The following SNTG1 variants were observed in gnomAD, a reference collection of about 807,000 sequenced individuals.
The protein encoded by SNTG1 is gamma-1-syntrophin.
Under a neutral mutation model 74.7 loss-of-function variants are expected in SNTG1, and 39 were observed. The observed-to-expected ratio is 0.52, with a 90% CI of 0.40 to 0.68. SNTG1 has a LOEUF of 0.68. Ranked by LOEUF, SNTG1 falls within the 30% of genes least tolerant of loss-of-function variation. The probability of loss-of-function intolerance (pLI) is 0.00; values close to 1 mark genes in which losing one functional copy is unlikely to be tolerated. For missense variants in SNTG1, 685 were observed against 609.5 expected (o/e 1.12, Z -1.30); for synonymous variants, 254 against 217.1 (o/e 1.17, Z -1.49).
intron 1 of SNTG1, among the ~76,000 whole-genome samples, chr8:50,097,111 A>G (rs578258699): frequency 1.7e-4 from 26 of 152,158 alleles, no homozygotes; most frequent in Admixed American, 3.3e-4. Context: ...CTGGGACTAC[A>G]GGTGCCCACC....
rs181728003 is a variant in SNTG1, at chr8:49,966,401, A to T, written c.-103+54170A>T. On this transcript the variant is annotated intron_variant, in intron 1 of 18. Coordinates refer to ENST00000642720, the MANE Select transcript of SNTG1 (RefSeq NM_018967.5). ...AGTCTTTTTTTAAATTAATTAATTA[A>T]TTTTTTTTTTTTTGACAGAGTCTCG... is the stretch of plus-strand genomic sequence containing the variant. Among the ~76,000 whole-genome samples the T allele has an allele frequency of 5.2e-3, 755 of 145,748 alleles. 5 individuals carry two copies. Among genetic ancestry groups the T allele is most frequent in the African/African-American group, 0.018 (710 of 39,946 alleles).
At chr8:50,533,945 C>T (rs756572203) in intron 10 of SNTG1, among the ~76,000 whole-genome samples, 4 of 152,084 alleles carry the variant, frequency 2.6e-5, no homozygotes, top group African/African-American at 9.7e-5. Flanking sequence ...TCTCATTACC[C>T]ATATCTTTAA....
intron 9 of SNTG1, among the ~76,000 whole-genome samples, chr8:50,505,836 T>C (rs780242704): frequency 2.6e-5 from 4 of 152,108 alleles, no homozygotes; most frequent in Non-Finnish European, 1.5e-5. Flanking sequence ...ATTTTATTTA[T>C]TTTACAAAAT....
intron 13 of SNTG1, among the ~76,000 whole-genome samples, chr8:50,637,904 C>T (rs2131154019): frequency 6.6e-6 from 1 of 152,172 alleles, no homozygotes; most frequent in South Asian, 2.1e-4. Context: ...TCTTAAACCA[C>T]ACCAAATATT....
chr8:50,742,784 T>C (rs72645809), intron 17 of SNTG1, among the ~76,000 whole-genome samples: 8,270 of 151,830 alleles, frequency 0.054, 273 homozygotes, highest in Non-Finnish European at 0.072. Flanking sequence ...TATAAGTCTT[T>C]AGCCTGATTG....
At chr8:50,573,731 T>C (rs577794277) in intron 12 of SNTG1, among the ~76,000 whole-genome samples, 97 of 152,010 alleles carry the variant, frequency 6.4e-4, no homozygotes, top group African/African-American at 2.2e-3. Flanking sequence ...CCCCATGTTT[T>C]AGAAACAGAA....
At chr8:50,192,615 T>C (rs1435974296) in intron 2 of SNTG1, among the ~76,000 whole-genome samples, 3 of 152,188 alleles carry the variant, frequency 2.0e-5, no homozygotes, top group Admixed American at 6.5e-5. Context: ...CTGTTTATTC[T>C]GCTGACATTC....
At chr8:50,760,323 A>C (rs867402206) in intron 18 of SNTG1, among the ~76,000 whole-genome samples, 12 of 152,148 alleles carry the variant, frequency 7.9e-5, no homozygotes, top group South Asian at 4.1e-4. Flanking sequence ...TTCCTATTTG[A>C]ATACCCTTTA....
Position 50,628,028 on chromosome 8 carries a change from C to A in SNTG1, c.850-28881C>A, listed in dbSNP as rs370129341. Reference sequence around the variant, plus strand: ...ACCTTCTAATCAAGCCTTGTTCTTTCTGGTAACCAGCCCCATCCTGAAGCT... The same window carrying A: ...ACCTTCTAATCAAGCCTTGTTCTTTATGGTAACCAGCCCCATCCTGAAGCT... On this transcript the variant is annotated intron_variant, in intron 13 of 18. Transcript: ENST00000642720. 1.1e-4 allele frequency among the ~76,000 whole-genome samples: 16 copies of A among 152,314 alleles called. No individual in the cohort carries two copies. The East Asian group carries it at 2.7e-3, about 26-fold the overall frequency.
At chr8:50,353,488 T>C (rs2091730550) in intron 2 of SNTG1, among the ~76,000 whole-genome samples, 2 of 152,186 alleles carry the variant, frequency 1.3e-5, no homozygotes, top group African/African-American at 4.8e-5. Context: ...GTCTTTTTTT[T>C]CACAAATGCA....
At chr8:50,295,068 G>T (rs2089301131) in intron 2 of SNTG1, among the ~76,000 whole-genome samples, 1 of 152,150 alleles carries the variant, frequency 6.6e-6, no homozygotes, top group Non-Finnish European at 1.5e-5. Flanking sequence ...TACCTATGGA[G>T]GTACTGTAGT....
chr8:50,607,680 GTCTT>G (rs939943347), intron 13 of SNTG1, among the ~76,000 whole-genome samples: 80 of 151,226 alleles, frequency 5.3e-4, no homozygotes, highest in African/African-American at 1.5e-3. Context: ...CTTCTTCGTT[GTCTT>G]TCTTTCTTTA....
chr8:50,329,058 A>G (rs369649793), intron 2 of SNTG1, among the ~76,000 whole-genome samples: 11 of 152,314 alleles, frequency 7.2e-5, no homozygotes, highest in African/African-American at 2.6e-4. Flanking sequence ...AGCAGTCATT[A>G]AGTCTTAAAG....
At chr8:50,546,109 T>C (rs761166924) in intron 11 of SNTG1, among the ~76,000 whole-genome samples, 1 of 152,052 alleles carries the variant, frequency 6.6e-6, no homozygotes, top group Non-Finnish European at 1.5e-5. Context: ...GTTATTTCAA[T>C]CAGGGTTTTA....
At chr8:50,481,350 CA>C (rs1233206094) in intron 8 of SNTG1, among the ~76,000 whole-genome samples, 2 of 152,148 alleles carry the variant, frequency 1.3e-5, no homozygotes, top group Non-Finnish European at 2.9e-5. Flanking sequence ...CATTGCACTC[CA>C]GCATGGGCGA....
intron 17 of SNTG1, among the ~76,000 whole-genome samples, chr8:50,726,607 T>C (rs1457118370): frequency 6.6e-6 from 1 of 152,210 alleles, no homozygotes; most frequent in Non-Finnish European, 1.5e-5. Flanking sequence ...CCCAGCTCTT[T>C]GGGAGGCCGA....
chr8:50,008,058 C>CGGTG (rs1213541914), intron 1 of SNTG1, among the ~76,000 whole-genome samples: 74 of 152,154 alleles, frequency 4.9e-4, no homozygotes, highest in Non-Finnish European at 8.2e-4. Context: ...GGGTCCCTCC[C>CGGTG]TCAACACATG....
intron 2 of SNTG1, among the ~76,000 whole-genome samples, chr8:50,358,013 C>T (rs770513639): frequency 6.6e-6 from 1 of 151,808 alleles, no homozygotes; most frequent in Non-Finnish European, 1.5e-5. Flanking sequence ...TTTTAAAAAT[C>T]CAAGTCCCAG....
At chr8:50,071,659 G>T (rs926889340) in intron 1 of SNTG1, among the ~76,000 whole-genome samples, 1 of 151,524 alleles carries the variant, frequency 6.6e-6, no homozygotes, top group East Asian at 1.9e-4. Flanking sequence ...TGTATTTTTA[G>T]TAGAGACAGG....
Sources: allele counts gnomAD v4.1 joint callset (sites outside exome capture counted in the v4.1 genomes callset), GRCh38; gene constraint gnomAD v4.1.1; transcripts MANE v1.5; gene names NCBI Gene and HGNC (gene_info 2026-07-23, HGNC 2026-07-21).